The following SART3 variants were observed in gnomAD, a reference collection of about 807,000 sequenced individuals.
SART3 encodes the protein HIV-1 Tat-interacting protein of 110kDa.
A neutral mutation model predicts 122.3 loss-of-function variants in SART3; 44 were observed. The observed-to-expected ratio is 0.36, with a 90% CI of 0.28 to 0.46. The LOEUF (loss-of-function observed/expected upper bound fraction) is 0.46, where lower values mean the gene tolerates loss of function less well. SART3 is among the 20% of genes least tolerant of loss of function. The pLI is 1.00. For synonymous variants in SART3, 442 were observed against 454.0 expected (o/e 0.97, Z 0.34); for missense variants, 1,101 against 1,229.0 (o/e 0.90, Z 1.56).
At chr12:108,540,549 C>A (rs117321407) in intron 6 of SART3, among the ~76,000 whole-genome samples, 1 of 147,092 alleles carries the variant, frequency 6.8e-6, no homozygotes, top group African/African-American at 2.5e-5. Flanking sequence ...CCAAATTGAT[C>A]TCCAGGTTCA....
Position 108,531,228 on chromosome 12 carries a change from A to G in SART3, c.1722T>C (p.Ala574=), listed in dbSNP as rs1256154094. Residue 574 remains alanine (A), a synonymous_variant, in exon 14 of 19, where the codon GCT becomes GCC. Coordinates refer to ENST00000546815, the MANE Select transcript of SART3 (RefSeq NM_014706.4). ...IAVQKTETRL[A]RVNEQRMKAA... Reference sequence around the variant, plus strand: ...CCTTCATTCTCTGCTCATTGACACGAGCTAATCGGGTTTCAGTTTTCTGAA... The same window carrying G: ...CCTTCATTCTCTGCTCATTGACACGGGCTAATCGGGTTTCAGTTTTCTGAA... 1 of 1,614,098 alleles carries G rather than the reference A, an allele frequency of 6.2e-7. No individual in the cohort carries two copies. Among genetic ancestry groups the G allele is most frequent in the Non-Finnish European group, 8.5e-7 (1 of 1,179,974 alleles).
intron 1 of SART3, among the ~76,000 whole-genome samples, chr12:108,552,435 G>C (rs2030044052): frequency 6.9e-6 from 1 of 144,550 alleles, no homozygotes; most frequent in Non-Finnish European, 1.5e-5. Flanking sequence ...CTGATTTGTA[G>C]ATGATATGGC....
At chr12:108,530,363 T>C in intron 14 of SART3, 53 bp from the exon 15 acceptor site, 3 of 1,590,342 alleles carry the variant, frequency 1.9e-6, no homozygotes, top group Non-Finnish European at 2.6e-6. Flanking sequence ...ACATTCACTG[T>C]ACTGATTTGT....
chr12:108,527,169 C>T lies in SART3; in HGVS notation c.1916-616G>A, dbSNP rs183430621. On this transcript the variant is annotated intron_variant, in intron 15 of 18. Coordinates refer to ENST00000546815, the MANE Select transcript of SART3 (RefSeq NM_014706.4). ...TTCACCCGCTGCCTTTCCAATGCAA[C>T]GTAAGCCCTGCACACTGCTACTGTA... Among the ~76,000 whole-genome samples the T allele has an allele frequency of 1.2e-3, 181 of 152,328 alleles. 3 individuals are homozygous for T. The South Asian group carries it at 0.017, about 14-fold the overall frequency.
Position 108,525,994 on chromosome 12 carries a change from G to C in SART3, c.2370+105C>G, listed in dbSNP as rs879159591. On this transcript the variant is annotated intron_variant, in intron 16 of 18. Transcript: ENST00000546815. ...TCACAAGGAAGTTTAGATCCAAACAGAGCGTAAAACTTCCATGTCTATCCT... is the reference window on the plus strand; with the variant it reads ...TCACAAGGAAGTTTAGATCCAAACACAGCGTAAAACTTCCATGTCTATCCT... The C allele has an allele frequency of 4.1e-6, 4 of 973,044 alleles. No individual in the cohort carries two copies. The South Asian group carries it at 4.3e-5, about 10-fold the overall frequency. The allele number at this position is 973,044 out of a possible 1,614,324, so 60.3% of individuals were successfully genotyped here.
At chr12:108,559,224 GTAAACTAGAT>G (rs1359290288) in intron 1 of SART3, among the ~76,000 whole-genome samples, 1 of 152,138 alleles carries the variant, frequency 6.6e-6, no homozygotes, top group Non-Finnish European at 1.5e-5. Flanking sequence ...GGTTTAATGA[GTAAACTAGAT>G]TAGCAACTTC....
rs1422766694 is a variant in SART3 at position 108,524,873 on chromosome 12, C to A, written c.2524-367G>T. On this transcript the variant is annotated intron_variant, in intron 17 of 18. Coordinates refer to ENST00000546815, the MANE Select transcript of SART3 (RefSeq NM_014706.4). Reference sequence around the variant, plus strand: ...CCAGCAGCCCAGGTGCCCAGGTGAGCCCTCGTGTTTCTGTGCCTTCACCCG... The same window carrying A: ...CCAGCAGCCCAGGTGCCCAGGTGAGACCTCGTGTTTCTGTGCCTTCACCCG... The A allele has an allele frequency of 8.4e-6, 3 of 358,650 alleles. 1 individual carries two copies. The highest frequency in any genetic ancestry group is 1.6e-5 in the Non-Finnish European group (3 of 190,872). The allele number at this position is 358,650 out of a possible 1,614,324, so 22.2% of individuals were successfully genotyped here.
rs768548546 is a variant in SART3 at position 108,526,572 on chromosome 12, A to G, written c.1916-19T>C. On this transcript the variant is annotated intron_variant, in intron 15 of 18. Coordinates refer to ENST00000546815, the MANE Select transcript of SART3 (RefSeq NM_014706.4). ...GGCTGCTCTACAGGTTTTCAAAAGA[A>G]AAGTAGCCATGGTTAACTGTTACTT... The G allele has an allele frequency of 1.3e-5, 21 of 1,611,992 alleles. No homozygotes were observed.
At position 108,523,520 on chromosome 12, in the gene SART3, T is replaced by C. The variant is rs1381379722; in HGVS notation, c.2829A>G (p.Pro943=). The change falls in exon 19 of 19, where the codon CCA becomes CCG. Residue 943 remains proline (P), a synonymous_variant. Transcript: ENST00000546815. ...ACATCTTGGGTGCCTCGGTGGCTGC[T>C]GGGGCGGCAACTGCAGGAGCCGCGG... The part of the protein sequence containing the change: ...GPAAAPAVAA[P]AATEAPKMSN... The C allele has an allele frequency of 1.2e-6, 2 of 1,613,596 alleles. No individual in the cohort carries two copies. Among genetic ancestry groups the C allele is most frequent in the South Asian group, 2.2e-5 (2 of 91,048 alleles).
Position 108,526,683 on chromosome 12 carries a change from G to A in SART3, c.1916-130C>T, listed in dbSNP as rs982292519. 5.2e-6 allele frequency: 5 copies of A among 966,622 alleles called. No homozygotes were observed. In the Admixed American group the frequency reaches 9.6e-5, roughly 19 times the overall value. The allele number at this position is 966,622 out of a possible 1,614,324, so 59.9% of individuals were successfully genotyped here. A position where few individuals can be genotyped will look rare whatever the true frequency, so the allele number is the denominator to read the frequency against. Reference sequence around the variant, plus strand: ...CTTACTCCCTCACCAGACTCGGAGGGGCAAGCACCACCCCGAGAAGTCTTT... The same window carrying A: ...CTTACTCCCTCACCAGACTCGGAGGAGCAAGCACCACCCCGAGAAGTCTTT... On this transcript the variant is annotated intron_variant, in intron 15 of 18. Coordinates refer to ENST00000546815, the MANE Select transcript of SART3 (RefSeq NM_014706.4).
At chr12:108,524,659 C>T in intron 17 of SART3, 153 bp from the exon 18 acceptor site, 1 of 686,302 alleles carries the variant, frequency 1.5e-6, no homozygotes, top group Non-Finnish European at 2.6e-6. Context: ...ACCACCGCAT[C>T]CTCTGTCTAC....
chr12:108,548,959 G>A lies in SART3; in HGVS notation c.439+129C>T, dbSNP rs2029884655. On this transcript the variant is annotated intron_variant, in intron 2 of 18. Transcript: ENST00000546815. ...TAAACTAAAAATAGCTAACTCTGAT[G>A]CGTTTTCTTCTTTCCACTACACTGA... 4 of 1,374,526 alleles carry A rather than the reference G, an allele frequency of 2.9e-6. No homozygotes were observed. In the Admixed American group the frequency reaches 5.5e-5, roughly 19 times the overall value. The allele number at this position is 1,374,526 out of a possible 1,614,324, so 85.1% of individuals were successfully genotyped here.
intron 12 of SART3, among the ~76,000 whole-genome samples, chr12:108,535,020 G>C (rs1208081749): frequency 6.6e-6 from 1 of 152,156 alleles, no homozygotes; most frequent in Non-Finnish European, 1.5e-5. Flanking sequence ...TCAGTAATTT[G>C]AGTTTTTTTT....
intron 6 of SART3, 136 bp downstream of exon 6, chr12:108,542,892 T>G (rs1216712925): frequency 3.4e-6 from 4 of 1,192,208 alleles, no homozygotes; most frequent in Admixed American, 1.8e-5. Flanking sequence ...ATTATTAGTA[T>G]GTAAACTGTA....
intron 3 of SART3, among the ~76,000 whole-genome samples, chr12:108,546,449 T>C (rs1468444698): frequency 1.3e-5 from 2 of 151,990 alleles, no homozygotes; most frequent in Non-Finnish European, 2.9e-5. Flanking sequence ...TATACCTGCC[T>C]CAGCCTCCCA....
At chr12:108,536,922 A>G in intron 9 of SART3, 137 bp from the exon 10 acceptor site, 1 of 774,024 alleles carries the variant, frequency 1.3e-6, no homozygotes. Flanking sequence ...AAAATTGCCA[A>G]TTCCTGCCCT....
intron 3 of SART3, among the ~76,000 whole-genome samples, chr12:108,546,409 CAGGA>C (rs1873420200): frequency 6.6e-6 from 1 of 152,034 alleles, no homozygotes; most frequent in Admixed American, 6.5e-5. Flanking sequence ...CCGTGATAGC[CAGGA>C]TGGTCTCAAT....
intron 4 of SART3, 84 bp from the exon 5 acceptor site, chr12:108,544,562 A>C: frequency 6.3e-7 from 1 of 1,587,494 alleles, no homozygotes; most frequent in Non-Finnish European, 8.7e-7. Flanking sequence ...GTAAATGACA[A>C]ACTGTGGTTC....
intron 7 of SART3, 22 bp downstream of exon 7, chr12:108,538,912 G>T: frequency 6.2e-7 from 1 of 1,613,998 alleles, no homozygotes; most frequent in East Asian, 2.2e-5. Flanking sequence ...AAAATAAAAT[G>T]AAATTAGAAC....
Sources: gnomAD v4.1 joint callset for allele counts (sites outside exome capture counted in the v4.1 genomes callset) on GRCh38, gnomAD v4.1.1 for gene constraint, MANE v1.5 for transcripts, NCBI Gene and HGNC (gene_info 2026-07-23, HGNC 2026-07-21) for gene names.